Variants in CPT1A observed in about 807,000 individuals in gnomAD.
CPT1A encodes the protein carnitine O-palmitoyltransferase 1, liver isoform.
In CPT1A, 64 loss-of-function variants were observed where a neutral mutation model predicts 100.8. The ratio of observed to expected loss-of-function variants is 0.63; its 90% CI spans 0.52 to 0.78. The LOEUF (loss-of-function observed/expected upper bound fraction) is 0.78, where lower values mean the gene tolerates loss of function less well. CPT1A is among the 30% of genes least tolerant of loss of function. The probability of loss-of-function intolerance (pLI) is 0.00; values close to 1 mark genes in which losing one functional copy is unlikely to be tolerated. For synonymous variants in CPT1A, 363 were observed against 396.0 expected (o/e 0.92, Z 0.99); for missense variants, 802 against 1,034.1 (o/e 0.78, Z 3.08).
chr11:68,810,466 CTT>C (rs1856170298), intron 3 of CPT1A, among the ~76,000 whole-genome samples: 1 of 152,152 alleles, frequency 6.6e-6, no homozygotes, highest in African/African-American at 2.4e-5. Context: ...CTTGCAGACT[CTT>C]ATAGAGGCCT....
At chr11:68,760,454 A>T in intron 16 of CPT1A, 116 bp from the exon 17 acceptor site, 1 of 759,358 alleles carries the variant, frequency 1.3e-6, no homozygotes, top group Non-Finnish European at 2.2e-6. Flanking sequence ...ACACACCACA[A>T]GTCTATGTCT....
chr11:68,790,789 A>T (rs1855593628), intron 9 of CPT1A, among the ~76,000 whole-genome samples: 1 of 152,128 alleles, frequency 6.6e-6, no homozygotes, highest in Non-Finnish European at 1.5e-5. Context: ...TTATCCCAGC[A>T]TTTCCCTTGT....
chr11:68,828,748 C>A (rs969670816), intron 1 of CPT1A, among the ~76,000 whole-genome samples: 1 of 152,182 alleles, frequency 6.6e-6, no homozygotes, highest in Non-Finnish European at 1.5e-5. Flanking sequence ...GGCAAGCGTC[C>A]GCCTCCTCTG....
chr11:68,757,955 C>T (rs1946724427), intron 18 of CPT1A, among the ~76,000 whole-genome samples: 1 of 152,146 alleles, frequency 6.6e-6, no homozygotes, highest in African/African-American at 2.4e-5. Flanking sequence ...CGATCTAAGC[C>T]TTCCCCTAAT....
upstream of CPT1A, among the ~76,000 whole-genome samples, chr11:68,842,561 G>A (rs1299629524): frequency 6.6e-6 from 1 of 152,184 alleles, no homozygotes; most frequent in Non-Finnish European, 1.5e-5. Flanking sequence ...AGGCAGCGTG[G>A]CTCCTCCTCA....
chr11:68,764,817 C>T (rs1289622917), intron 14 of CPT1A, among the ~76,000 whole-genome samples: 1 of 152,268 alleles, frequency 6.6e-6, no homozygotes, highest in Non-Finnish European at 1.5e-5. Flanking sequence ...AGAGCAGCGG[C>T]TTTGCAGAGG....
rs570958936 is a variant in CPT1A at position 68,794,315 on chromosome 11, T to C, written c.879+489A>G. On this transcript the variant is annotated intron_variant, in intron 8 of 18. Transcript: ENST00000265641. ...GACAAAGGGCAGAGGGGTTTTCGGG[T>C]TGACTGATGTATTCACCATCCTGAC... Among the ~76,000 whole-genome samples the C allele has an allele frequency of 5.3e-5, 8 of 152,284 alleles. No individual in the cohort carries two copies. The East Asian group carries it at 1.5e-3, about 29-fold the overall frequency.
chr11:68,840,758 G>C (rs753433988), intron 1 of CPT1A, among the ~76,000 whole-genome samples: 3 of 152,232 alleles, frequency 2.0e-5, no homozygotes, highest in African/African-American at 7.2e-5. Context: ...CTGACAAACC[G>C]AAAGAAGCCG....
Position 68,807,610 on chromosome 11 carries a change from C to T in CPT1A, c.310G>A (p.Val104Met), listed in dbSNP as rs112097985. 1.9e-5 allele frequency: 31 copies of T among 1,614,150 alleles called. No homozygotes were observed. The highest frequency in any genetic ancestry group is 1.7e-4 in the African/African-American group (13 of 75,076). ...ANCMSSQTKN[V>M]VSGVLFGTGL... Reference sequence around the variant, plus strand: ...GTGCCAAACAGCACGCCGCTGACCACGTTCTTCGTCTGGCTGGACATGCAG... The same window carrying T: ...GTGCCAAACAGCACGCCGCTGACCATGTTCTTCGTCTGGCTGGACATGCAG... The change falls in exon 4 of 19, where the codon GTG (valine) becomes ATG (methionine). Residue 104 changes from valine to methionine, a missense_variant. Val to Met is a conservative substitution (Grantham distance 21). This residue lies in a region of CPT1A where 161 missense variants were observed against 183.7 expected (regional missense o/e 0.88). Transcript: ENST00000265641.
intron 1 of CPT1A, among the ~76,000 whole-genome samples, chr11:68,827,312 G>A (rs1035514444): frequency 4.6e-5 from 7 of 152,090 alleles, no homozygotes; most frequent in South Asian, 2.1e-4. Context: ...CAGCCTGGGC[G>A]ACAGAACGAG....
rs539840289 is a variant in CPT1A, at chr11:68,800,689, C to T, written c.556-1334G>A. ...CAACAAAAAGTAAAACTGTTGCTAA[C>T]CCCACAATTTGTCATGACATATTTT... On this transcript the variant is annotated intron_variant, in intron 5 of 18. Coordinates refer to ENST00000265641, the MANE Select transcript of CPT1A (RefSeq NM_001876.4). Among the ~76,000 whole-genome samples the T allele has an allele frequency of 7.2e-5, 11 of 151,920 alleles. No individual in the cohort carries two copies. The South Asian group carries it at 1.2e-3, about 17-fold the overall frequency.
intron 3 of CPT1A, among the ~76,000 whole-genome samples, chr11:68,809,512 T>G (rs1856140107): frequency 6.6e-6 from 1 of 152,198 alleles, no homozygotes; most frequent in Non-Finnish European, 1.5e-5. Context: ...CTTTCTTTTT[T>G]TTAAGAGATA....
chr11:68,789,779 G>T (rs572647026), intron 9 of CPT1A, among the ~76,000 whole-genome samples: 6 of 152,112 alleles, frequency 3.9e-5, no homozygotes, highest in Non-Finnish European at 8.8e-5. Context: ...CCTTCCAGGG[G>T]TGCCCATCAT....
At position 68,815,362 on chromosome 11, in the gene CPT1A, G is replaced by A; in HGVS notation, c.113C>T (p.Ser38Phe). 2 of 1,614,064 alleles carry A rather than the reference G, an allele frequency of 1.2e-6. No homozygotes were observed. Among genetic ancestry groups the A allele is most frequent in the African/African-American group, 1.3e-5 (1 of 75,030 alleles). The change falls in exon 2 of 19, where the codon TCC (serine) becomes TTC (phenylalanine). Residue 38 changes from serine (S) to phenylalanine (F), a missense_variant. Ser to Phe is a radical substitution (Grantham distance 155). Coordinates refer to ENST00000265641, the MANE Select transcript of CPT1A (RefSeq NM_001876.4). The part of the protein sequence containing the change: ...LRQIYLSGLH[S>F]WKKKFIRFKN... Reference sequence around the variant, plus strand: ...GAATCTGATGAACTTCTTTTTCCAGGAATGAAGTCCAGAGAGATAGATTTG... The same window carrying A: ...GAATCTGATGAACTTCTTTTTCCAGAAATGAAGTCCAGAGAGATAGATTTG...
chr11:68,773,492 G>C lies in CPT1A; in HGVS notation c.1576-63C>G. On this transcript the variant is annotated intron_variant, in intron 13 of 18. Transcript: ENST00000265641. ...GGAGAAAAGTACTGACGCACACCCA[G>C]AAGGAAATTGGAGGCTGGTTTTTAG... 1.9e-6 allele frequency: 3 copies of C among 1,610,688 alleles called. No individual in the cohort carries two copies. In the South Asian group the frequency reaches 3.3e-5, roughly 18 times the overall value.
chr11:68,781,035 G>A (rs1160166595), intron 11 of CPT1A, among the ~76,000 whole-genome samples: 1 of 152,316 alleles, frequency 6.6e-6, no homozygotes, highest in African/African-American at 2.4e-5. Flanking sequence ...GGCTCTTCCC[G>A]TGGGCACATG....
At chr11:68,829,659 G>A (rs150456619) in intron 1 of CPT1A, among the ~76,000 whole-genome samples, 26 of 152,312 alleles carry the variant, frequency 1.7e-4, no homozygotes, top group African/African-American at 5.3e-4. Context: ...CGGAGCCCTC[G>A]GACGGGAATC....
At chr11:68,813,529 CAAA>C (rs10590789) in intron 2 of CPT1A, among the ~76,000 whole-genome samples, 125 of 81,512 alleles carry the variant, frequency 1.5e-3, no homozygotes, top group East Asian at 7.3e-3. Flanking sequence ...AGGCTCTGTC[CAAA>C]AAAAAAAAAA....
intron 6 of CPT1A, among the ~76,000 whole-genome samples, chr11:68,798,348 G>A (rs1031805856): frequency 1.3e-5 from 2 of 152,148 alleles, no homozygotes; most frequent in Non-Finnish European, 1.5e-5. Flanking sequence ...GAATATGCCC[G>A]GCCCCCTGAG....
Sources: gnomAD v4.1 joint callset for allele counts (sites outside exome capture counted in the v4.1 genomes callset) on GRCh38, gnomAD v4.1.1 for gene constraint, gnomAD v4.1.1 regional missense constraint, MANE v1.5 for transcripts, NCBI Gene and HGNC (gene_info 2026-07-23, HGNC 2026-07-21) for gene names.